Variants in MSH3 observed in about 807,000 individuals in gnomAD.
The protein encoded by MSH3 is mutS homolog 3.
A neutral mutation model predicts 123.3 loss-of-function variants in MSH3; 106 were observed. That is an observed-to-expected ratio of 0.86 (90% confidence interval 0.73 to 1.01). The LOEUF (loss-of-function observed/expected upper bound fraction) is 1.01. Ranked by LOEUF, MSH3 falls within the 50% of genes least tolerant of loss-of-function variation. The probability of loss-of-function intolerance (pLI) is 0.00; values close to 1 mark genes in which losing one functional copy is unlikely to be tolerated. For missense variants in MSH3, 1,459 were observed against 1,347.6 expected, an observed-to-expected ratio of 1.08 and a Z score of -1.29; for synonymous variants, 515 against 481.4, an observed-to-expected ratio of 1.07 and a Z score of -0.91.
intron 19 of MSH3, among the ~76,000 whole-genome samples, chr5:80,810,531 A>C (rs1360468389): frequency 2.6e-5 from 4 of 152,028 alleles, no homozygotes; most frequent in African/African-American, 9.7e-5. Flanking sequence ...CCATATCTTG[A>C]CAGCATACTG....
intron 19 of MSH3, among the ~76,000 whole-genome samples, chr5:80,812,920 T>C (rs1470734165): frequency 6.6e-6 from 1 of 152,182 alleles, no homozygotes; most frequent in Non-Finnish European, 1.5e-5. Flanking sequence ...GCCCAGAGCA[T>C]GGATGCCCTG....
intron 8 of MSH3, among the ~76,000 whole-genome samples, chr5:80,707,334 T>C (rs1209026792): frequency 6.6e-6 from 1 of 152,248 alleles, no homozygotes; most frequent in African/African-American, 2.4e-5. Context: ...CTAACATTTG[T>C]GTACTAGTCT....
intron 19 of MSH3, among the ~76,000 whole-genome samples, chr5:80,810,842 C>A (rs575631465): frequency 5.8e-4 from 88 of 152,046 alleles, no homozygotes; most frequent in African/African-American, 2.1e-3. Context: ...TATTTGATTT[C>A]TTTTGATACT....
At chr5:80,792,674 G>GTTTT in intron 18 of MSH3, 59 bp from the exon 19 acceptor site, 1 of 865,642 alleles carries the variant, frequency 1.2e-6, no homozygotes, top group Non-Finnish European at 1.8e-6. Flanking sequence ...CTATCTTAGA[G>GTTTT]TTTTTTTTTT....
chr5:80,863,207 A>C (rs1207506535), intron 21 of MSH3, among the ~76,000 whole-genome samples: 1 of 152,216 alleles, frequency 6.6e-6, no homozygotes, highest in Non-Finnish European at 1.5e-5. Flanking sequence ...GAAAAGAGTC[A>C]AACTCTGTAA....
At chr5:80,693,621 A>C (rs976598892) in intron 8 of MSH3, among the ~76,000 whole-genome samples, 6 of 97,278 alleles carry the variant, frequency 6.2e-5, no homozygotes, top group Non-Finnish European at 1.2e-4. Flanking sequence ...ACACACACAC[A>C]TATACACACA....
At chr5:80,709,587 G>T (rs866497629) in intron 8 of MSH3, among the ~76,000 whole-genome samples, 2 of 152,034 alleles carry the variant, frequency 1.3e-5, no homozygotes, top group African/African-American at 4.8e-5. Context: ...ACGTGAGATC[G>T]CGCCACTGCA....
At chr5:80,766,339 C>CTTTTTTTTTTTTTTTTTTTTTTT (rs1166492002) in intron 13 of MSH3, among the ~76,000 whole-genome samples, 2 of 78,212 alleles carry the variant, frequency 2.6e-5, no homozygotes, top group African/African-American at 5.6e-5. Context: ...TGTTTTTTTC[C>CTTTTTTTTTTTTTTTTTTTTTTT]TTTTTTTTTT....
At chr5:80,827,250 A>G (rs1226871673) in intron 20 of MSH3, among the ~76,000 whole-genome samples, 4 of 152,204 alleles carry the variant, frequency 2.6e-5, no homozygotes, top group Admixed American at 2.0e-4. Flanking sequence ...GTTGATGAAA[A>G]GAGATATTTA....
chr5:80,730,432 T>A (rs1392423027), intron 10 of MSH3, among the ~76,000 whole-genome samples: 2 of 152,116 alleles, frequency 1.3e-5, no homozygotes. Flanking sequence ...GGGAAAGTAG[T>A]AAAGGTTGGG....
chr5:80,833,578 G>A (rs989473280), intron 20 of MSH3, among the ~76,000 whole-genome samples: 16 of 152,158 alleles, frequency 1.1e-4, no homozygotes, highest in Non-Finnish European at 2.1e-4. Context: ...GAGTAGCTGG[G>A]ACTACAGGAG....
intron 8 of MSH3, among the ~76,000 whole-genome samples, chr5:80,693,459 A>G (rs1399069885): frequency 9.9e-6 from 1 of 101,024 alleles, no homozygotes; most frequent in Non-Finnish European, 2.2e-5. Flanking sequence ...AGATAAATAT[A>G]CATGCACATG....
chr5:80,734,581 A>C (rs1329025427), intron 10 of MSH3, among the ~76,000 whole-genome samples: 1 of 152,230 alleles, frequency 6.6e-6, no homozygotes, highest in African/African-American at 2.4e-5. Context: ...TGAGGCTTAT[A>C]ACCAATGCCT....
intron 19 of MSH3, among the ~76,000 whole-genome samples, chr5:80,802,197 C>T (rs1387037867): frequency 6.6e-6 from 1 of 151,506 alleles, no homozygotes; most frequent in Non-Finnish European, 1.5e-5. Context: ...AAGAAATAGC[C>T]ATTTTTTATA....
intron 10 of MSH3, among the ~76,000 whole-genome samples, chr5:80,739,508 G>T (rs752321983): frequency 6.6e-6 from 1 of 152,202 alleles, no homozygotes; most frequent in Non-Finnish European, 1.5e-5. Context: ...TGTACAGGTG[G>T]TACAAAATGA....
intron 20 of MSH3, among the ~76,000 whole-genome samples, chr5:80,826,599 AG>A (rs1745312844): frequency 7.0e-6 from 1 of 142,132 alleles, no homozygotes; most frequent in Admixed American, 7.4e-5. Context: ...CCCAGGCTGG[AG>A]TGCAGTGGCA....
At chr5:80,699,558 CAAAAAAAA>C (rs55795731) in intron 8 of MSH3, among the ~76,000 whole-genome samples, 2 of 78,530 alleles carry the variant, frequency 2.5e-5, no homozygotes, top group African/African-American at 1.0e-4. Context: ...ACACTGTCTC[CAAAAAAAA>C]AAAAAAAAAA....
intron 2 of MSH3, among the ~76,000 whole-genome samples, chr5:80,659,504 T>C (rs1249745367): frequency 6.6e-6 from 1 of 151,408 alleles, no homozygotes; most frequent in African/African-American, 2.4e-5. Flanking sequence ...ATACAATATG[T>C]GGCCTTTGGT....
At chr5:80,810,157 C>A (rs1202606755) in intron 19 of MSH3, among the ~76,000 whole-genome samples, 1 of 75,836 alleles carries the variant, frequency 1.3e-5, no homozygotes, top group Non-Finnish European at 2.7e-5. Context: ...GGTTTTTATT[C>A]TTTTGTTTGA....
Sources: gnomAD v4.1 joint callset for allele counts (sites outside exome capture counted in the v4.1 genomes callset) on GRCh38, gnomAD v4.1.1 for gene constraint, MANE v1.5 for transcripts, NCBI Gene and HGNC (gene_info 2026-07-23, HGNC 2026-07-21) for gene names.